ZDHHC3: variants seen among roughly 807,000 people sequenced by gnomAD.
ZDHHC3 encodes zDHHC palmitoyltransferase 3.
A neutral mutation model predicts 30.6 loss-of-function variants in ZDHHC3; 9 were observed. That is an observed-to-expected ratio of 0.29 (90% CI 0.18 to 0.51). ZDHHC3 has a LOEUF of 0.51. ZDHHC3 is among the 20% of genes least tolerant of loss of function. ZDHHC3 has a pLI of 0.97. For missense variants in ZDHHC3, 246 were observed against 384.2 expected (o/e 0.64, Z 3.01); for synonymous variants, 136 against 140.2 (o/e 0.97, Z 0.21).
At chr3:44,953,918 A>C (rs1703694373) in intron 2 of ZDHHC3, among the ~76,000 whole-genome samples, 2 of 152,288 alleles carry the variant, frequency 1.3e-5, no homozygotes, top group South Asian at 4.1e-4. Context: ...TGCATCCAGC[A>C]CCTGGCCTGC....
rs150480954 is a variant in ZDHHC3, at chr3:44,925,710, T to C, written c.*979A>G. 7.0e-4 allele frequency: 691 copies of C among 985,518 alleles called. 1 individual carries two copies. The African/African-American group carries it at 0.011, about 16-fold the overall frequency. 61.0% of individuals were successfully genotyped at this position (985,518 alleles called of 1,614,324 possible). ...TAAGACACAGGTACGTGCACATTTA[T>C]GGGGGTTAACTATCAGAAAGTGAAT... On this transcript the variant is annotated 3_prime_UTR_variant, in exon 7 of 7. Coordinates refer to ENST00000424952, the MANE Select transcript of ZDHHC3 (RefSeq NM_001135179.2).
In ZDHHC3 at chr3:44,923,390, C is replaced by A. The variant is rs182067279; in HGVS notation, c.*3299G>T. ...GTCCACAGTGAGAAGTGTCCGCGCC[C>A]GGCTTAAAATGTTTGTTAATTTACC... On this transcript the variant is annotated 3_prime_UTR_variant, in exon 7 of 7. Transcript: ENST00000424952. 21 of 985,230 alleles carry A rather than the reference C, an allele frequency of 2.1e-5. No homozygotes were observed. Among genetic ancestry groups the A allele is most frequent in the Non-Finnish European group, 2.4e-5 (20 of 829,928 alleles). The allele number at this position is 985,230 out of a possible 1,614,324, so 61.0% of individuals were successfully genotyped here.
rs1299001321 is a variant in ZDHHC3, at chr3:44,922,730, C to T, written c.*3959G>A. On this transcript the variant is annotated 3_prime_UTR_variant, in exon 7 of 7. Transcript: ENST00000424952. ...GCTGTTAAGACACGGGCTGCTGGGC[C>T]CCGCTCGGTTTCTGGTTCGGTAGCC... 1 of 984,616 alleles carries T rather than the reference C, an allele frequency of 1.0e-6. No individual in the cohort carries two copies. Among genetic ancestry groups the T allele is most frequent in the African/African-American group, 1.7e-5 (1 of 57,182 alleles). 61.0% of individuals were successfully genotyped at this position (984,616 alleles called of 1,614,324 possible).
intron 3 of ZDHHC3, among the ~76,000 whole-genome samples, chr3:44,940,850 C>T (rs911239257): frequency 3.3e-5 from 5 of 152,156 alleles, no homozygotes; most frequent in South Asian, 4.1e-4. Flanking sequence ...AGGAGCTGGC[C>T]GAGGCTCTCT....
At chr3:44,964,019 T>C (rs902995696) in intron 1 of ZDHHC3, among the ~76,000 whole-genome samples, 1 of 152,210 alleles carries the variant, frequency 6.6e-6, no homozygotes, top group Admixed American at 6.5e-5. Flanking sequence ...CCCAACCTAA[T>C]AACACTAGTC....
intron 3 of ZDHHC3, among the ~76,000 whole-genome samples, chr3:44,943,245 G>A (rs917452202): frequency 6.6e-6 from 1 of 152,210 alleles, no homozygotes; most frequent in African/African-American, 2.4e-5. Flanking sequence ...AGCCCTGTCT[G>A]GACCTGGAGC....
intron 3 of ZDHHC3, among the ~76,000 whole-genome samples, chr3:44,937,042 T>A (rs1702026573): frequency 6.6e-6 from 1 of 152,198 alleles, no homozygotes; most frequent in Non-Finnish European, 1.5e-5. Context: ...ATTATTTTAA[T>A]GAATTCTAGT....
chr3:44,918,887 C>T lies in ZDHHC3; in HGVS notation c.*7802G>A. The T allele has an allele frequency of 1.0e-6, 1 of 986,138 alleles. No individual in the cohort carries two copies. Among genetic ancestry groups the T allele is most frequent in the African/African-American group, 1.7e-5 (1 of 57,366 alleles). The allele number at this position is 986,138 out of a possible 1,614,324, so 61.1% of individuals were successfully genotyped here. ...AGAGGAGGTAAAGACATGGCCAGGC[C>T]AGCTCTCCAGGCCCACAACACCCTG... On this transcript the variant is annotated 3_prime_UTR_variant, in exon 7 of 7. Coordinates refer to ENST00000424952, the MANE Select transcript of ZDHHC3 (RefSeq NM_001135179.2).
chr3:44,932,964 C>G (rs774737393), intron 5 of ZDHHC3, 154 bp downstream of exon 5: 18 of 1,613,976 alleles, frequency 1.1e-5, no homozygotes, highest in Admixed American at 1.7e-5. Flanking sequence ...CCAGTCTCTG[C>G]CATTTCTTCC....
chr3:44,966,931 C>G (rs1705002029), intron 1 of ZDHHC3, among the ~76,000 whole-genome samples: 1 of 152,216 alleles, frequency 6.6e-6, no homozygotes, highest in Non-Finnish European at 1.5e-5. Context: ...GCGGCACACC[C>G]TGCTAGCCAA....
chr3:44,939,910 C>T (rs1031998513), intron 3 of ZDHHC3, among the ~76,000 whole-genome samples: 1 of 152,160 alleles, frequency 6.6e-6, no homozygotes, highest in East Asian at 1.9e-4. Context: ...TATGAAATGC[C>T]AAACCCACAC....
intron 3 of ZDHHC3, among the ~76,000 whole-genome samples, chr3:44,942,128 A>G (rs1702491942): frequency 6.6e-6 from 1 of 152,258 alleles, no homozygotes; most frequent in African/African-American, 2.4e-5. Context: ...AAGGGAATGG[A>G]GACAGTCTCA....
In ZDHHC3 at chr3:44,917,771, G is replaced by C. The variant is rs995835091; in HGVS notation, c.*8918C>G. 8.7e-7 allele frequency: 1 copy of C among 1,152,968 alleles called. No individual in the cohort carries two copies. The highest frequency in any genetic ancestry group is 2.8e-5 in the Admixed American group (1 of 35,260). 71.4% of individuals were successfully genotyped at this position (1,152,968 alleles called of 1,614,324 possible). A position where few individuals can be genotyped will look rare whatever the true frequency, so the allele number is the denominator to read the frequency against. ...AGGAGGGGAAATGGCAAGGCCAAGC[G>C]AGTGGCTAAGGGAAGCACTGGGGGT... On this transcript the variant is annotated 3_prime_UTR_variant, in exon 7 of 7. Coordinates refer to ENST00000424952, the MANE Select transcript of ZDHHC3 (RefSeq NM_001135179.2).
Position 44,922,421 on chromosome 3 carries a change from T to C in ZDHHC3, c.*4268A>G, listed in dbSNP as rs769396166. ...TTCCACTGATGAGATGCACAAGGAG[T>C]GGTGGGCAGGCTAATAATTTGGATC... On this transcript the variant is annotated 3_prime_UTR_variant, in exon 7 of 7. Coordinates refer to ENST00000424952, the MANE Select transcript of ZDHHC3 (RefSeq NM_001135179.2). The C allele has an allele frequency of 1.0e-6, 1 of 984,896 alleles. No individual in the cohort carries two copies. Among genetic ancestry groups the C allele is most frequent in the Non-Finnish European group, 1.2e-6 (1 of 829,814 alleles). The allele number at this position is 984,896 out of a possible 1,614,324, so 61.0% of individuals were successfully genotyped here.
chr3:44,934,933 T>C (rs1701822227), intron 3 of ZDHHC3, among the ~76,000 whole-genome samples: 1 of 151,226 alleles, frequency 6.6e-6, no homozygotes, highest in Non-Finnish European at 1.5e-5. Flanking sequence ...TGAGCTTAAC[T>C]GTCGACCAGA....
intron 6 of ZDHHC3, among the ~76,000 whole-genome samples, chr3:44,928,114 C>T (rs1701161302): frequency 6.6e-6 from 1 of 152,242 alleles, no homozygotes; most frequent in South Asian, 2.1e-4. Context: ...CCCCGTATAT[C>T]TTACGTAGAG....
intron 3 of ZDHHC3, among the ~76,000 whole-genome samples, chr3:44,943,885 G>A (rs963298441): frequency 6.6e-6 from 1 of 152,096 alleles, no homozygotes; most frequent in African/African-American, 2.4e-5. Context: ...CTGCTCTGGA[G>A]GCTGAGGCAG....
chr3:44,937,558 T>TTTG (rs1553686282), intron 3 of ZDHHC3: 7 of 143,534 alleles, frequency 4.9e-5, no homozygotes, highest in Non-Finnish European at 7.6e-5. Flanking sequence ...AGTTTTTTTT[T>TTTG]TTTTTTTTTT....
In ZDHHC3 at chr3:44,949,545, C is replaced by T. The variant is rs144041935; in HGVS notation, c.307-4253G>A. On this transcript the variant is annotated intron_variant, in intron 2 of 6. Transcript: ENST00000424952. ...GTGGCTTTTGCAAAGAGGAAATGAT[C>T]CATTAAAAACAAGCAAAACAAAAAC... Among the ~76,000 whole-genome samples the T allele has an allele frequency of 3.3e-5, 5 of 152,206 alleles. No individual in the cohort carries two copies. The East Asian group carries it at 7.7e-4, about 23-fold the overall frequency.
Sources: allele counts gnomAD v4.1 joint callset (sites outside exome capture counted in the v4.1 genomes callset), GRCh38; gene constraint gnomAD v4.1.1; transcripts MANE v1.5; gene names NCBI Gene and HGNC (gene_info 2026-07-23, HGNC 2026-07-21).